The following BBS4 variants were observed in gnomAD, a reference collection of about 807,000 sequenced individuals.
The protein encoded by BBS4 is Bardet-Biedl syndrome 4.
A neutral mutation model predicts 71.4 loss-of-function variants in BBS4; 58 were observed. The ratio of observed to expected loss-of-function variants is 0.81; its 90% CI spans 0.66 to 1.01. The LOEUF is 1.01. Ranked by LOEUF, BBS4 falls within the 50% of genes least tolerant of loss-of-function variation. The pLI is 0.00. For missense variants in BBS4, 660 were observed against 607.9 expected, an observed-to-expected ratio of 1.09 and a Z score of -0.90; for synonymous variants, 228 against 216.8, an observed-to-expected ratio of 1.05 and a Z score of -0.46.
intron 7 of BBS4, 152 bp from the exon 8 acceptor site, chr15:72,724,376 G>C (rs1431523872): frequency 9.3e-7 from 1 of 1,070,754 alleles, no homozygotes; most frequent in Non-Finnish European, 1.4e-6. Context: ...GACAGTTTTG[G>C]TATGTTTTGG....
intron 8 of BBS4, among the ~76,000 whole-genome samples, chr15:72,726,142 C>T (rs767274714): frequency 3.9e-4 from 58 of 150,240 alleles, no homozygotes; most frequent in Non-Finnish European, 7.1e-4. Flanking sequence ...TCAACAGTCT[C>T]GCTCTGTCGC....
chr15:72,687,700 G>C (rs940370077), intron 1 of BBS4, among the ~76,000 whole-genome samples: 19 of 152,126 alleles, frequency 1.2e-4, no homozygotes, highest in African/African-American at 4.6e-4. Flanking sequence ...GGCTGAGGTG[G>C]GTGGATCGCC....
chr15:72,729,567 C>A (rs1292754650), intron 9 of BBS4, 49 bp from the exon 10 acceptor site: 1 of 1,578,022 alleles, frequency 6.3e-7, no homozygotes, highest in African/African-American at 1.3e-5. Context: ...ACTCTTTTAA[C>A]TGCCGTCTCC....
chr15:72,715,244 C>T, intron 4 of BBS4, 47 bp from the exon 5 acceptor site: 1 of 1,454,212 alleles, frequency 6.9e-7, no homozygotes. Context: ...CTCCATTCTT[C>T]CCAGAACATG....
At chr15:72,701,888 A>G (rs933193970) in intron 2 of BBS4, among the ~76,000 whole-genome samples, 1 of 152,150 alleles carries the variant, frequency 6.6e-6, no homozygotes, top group Non-Finnish European at 1.5e-5. Context: ...GCCAGGCTGG[A>G]GTGCAGTGGT....
At chr15:72,733,786 C>T (rs1315251050) in intron 12 of BBS4, among the ~76,000 whole-genome samples, 1 of 152,142 alleles carries the variant, frequency 6.6e-6, no homozygotes, top group Non-Finnish European at 1.5e-5. Context: ...TGGGCATATA[C>T]CCAGTAATGG....
At chr15:72,709,437 A>G (rs1000813501) in intron 2 of BBS4, among the ~76,000 whole-genome samples, 1 of 152,214 alleles carries the variant, frequency 6.6e-6, no homozygotes, top group Non-Finnish European at 1.5e-5. Flanking sequence ...TATGTTTTTC[A>G]GTCCCAGTCA....
At chr15:72,735,043 G>C (rs768720966) in intron 12 of BBS4, 70 bp from the exon 13 acceptor site, 1 of 1,134,024 alleles carries the variant, frequency 8.8e-7, no homozygotes, top group African/African-American at 1.5e-5. Context: ...GTTTACTTTG[G>C]GGGTAGTCTT....
intron 2 of BBS4, among the ~76,000 whole-genome samples, chr15:72,703,046 C>T (rs1323801757): frequency 2.0e-5 from 3 of 151,336 alleles, no homozygotes; most frequent in Non-Finnish European, 2.9e-5. Context: ...CTCCTGACCT[C>T]GTGATCCGCC....
At chr15:72,730,285 A>T (rs58600393) in intron 10 of BBS4, among the ~76,000 whole-genome samples, 18,468 of 147,704 alleles carry the variant, frequency 0.13, 1,851 homozygotes, top group East Asian at 0.52. Flanking sequence ...TCTCAAAAAA[A>T]AAAAAAATAA....
intron 2 of BBS4, among the ~76,000 whole-genome samples, chr15:72,706,915 A>T (rs981884559): frequency 6.6e-6 from 1 of 152,106 alleles, no homozygotes; most frequent in African/African-American, 2.4e-5. Context: ...TTCTGGGCTC[A>T]ACTGATCCTC....
At chr15:72,725,055 T>TAGAGAGAG (rs201886458) in intron 8 of BBS4, among the ~76,000 whole-genome samples, 84 of 111,676 alleles carry the variant, frequency 7.5e-4, no homozygotes, top group Middle Eastern at 5.2e-3. Context: ...TATATATATA[T>TAGAGAGAG]ATAGAGAGAG....
At chr15:72,691,613 A>G (rs527998774) in intron 1 of BBS4, among the ~76,000 whole-genome samples, 17 of 152,290 alleles carry the variant, frequency 1.1e-4, no homozygotes, top group Admixed American at 5.2e-4. Flanking sequence ...AAGTATGTCA[A>G]TTAACTTATC....
intron 10 of BBS4, among the ~76,000 whole-genome samples, chr15:72,731,065 CTTTTTTTTTTTTTTTTTTT>C (rs35004414): frequency 1.3e-5 from 1 of 77,608 alleles, no homozygotes. Context: ...AACATTTTAT[CTTTTTTTTTTTTTTTTTTT>C]TTTTTTTTTT....
chr15:72,714,470 C>G (rs1022814667), intron 4 of BBS4, among the ~76,000 whole-genome samples: 1 of 152,156 alleles, frequency 6.6e-6, no homozygotes, highest in South Asian at 2.1e-4. Flanking sequence ...AGGTGATCCA[C>G]CTGCCTTGGC....
chr15:72,736,705 T>C, intron 14 of BBS4, 57 bp from the exon 15 acceptor site: 1 of 1,572,788 alleles, frequency 6.4e-7, no homozygotes, highest in Admixed American at 1.7e-5. Context: ...AAGAAGTGGG[T>C]TGGCTTGTCT....
intron 5 of BBS4, 141 bp from the exon 6 acceptor site, chr15:72,716,637 G>A: frequency 1.4e-6 from 1 of 690,950 alleles, no homozygotes; most frequent in Admixed American, 2.5e-5. Flanking sequence ...CAGCTTCACT[G>A]ACCAAACCAG....
chr15:72,709,770 A>G lies in BBS4; in HGVS notation c.147A>G (p.Glu49=). The G allele has an allele frequency of 6.2e-7, 1 of 1,613,258 alleles. No individual in the cohort carries two copies. The highest frequency in any genetic ancestry group is 8.5e-7 in the Non-Finnish European group (1 of 1,179,428). The stretch of plus-strand genomic sequence containing the variant: ...TTCATTATATCCGGAAAGATTATGA[A>G]GCCTGCAAGGTAAGAGATTGCCATA... ...IHLHYIRKDY[E]ACKAVIKEQL... is the part of the protein sequence containing the mutation. Residue 49 remains glutamate, a synonymous_variant, in exon 3 of 16, where the codon GAA becomes GAG. Coordinates refer to ENST00000268057, the MANE Select transcript of BBS4 (RefSeq NM_033028.5).
Position 72,731,551 on chromosome 15 carries a change from A to T in BBS4, c.865-4A>T, listed in dbSNP as rs1413585546. On this transcript the variant is annotated splice_region_variant and splice_polypyrimidine_tract_variant and intron_variant, in intron 11 of 15. Coordinates refer to ENST00000268057, the MANE Select transcript of BBS4 (RefSeq NM_033028.5). ...TCTCATTGAGTGCCCCTTCTCTCTC[A>T]TAGGCCATCAGCTGCCTGAAACGAG... The T allele has an allele frequency of 1.2e-6, 2 of 1,614,166 alleles. No individual in the cohort carries two copies. The highest frequency in any genetic ancestry group is 2.2e-5 in the South Asian group (2 of 91,084).
Sources: allele counts gnomAD v4.1 joint callset (sites outside exome capture counted in the v4.1 genomes callset), GRCh38; gene constraint gnomAD v4.1.1; transcripts MANE v1.5; gene names NCBI Gene and HGNC (gene_info 2026-07-23, HGNC 2026-07-21).